VWDE: variants seen among roughly 807,000 people sequenced by gnomAD.
VWDE encodes the protein von Willebrand factor D and EGF domain-containing protein.
In VWDE, 207 loss-of-function variants were observed where a neutral mutation model predicts 178.4. The observed-to-expected ratio is 1.16, with a 90% CI of 1.04 to 1.30. The LOEUF (loss-of-function observed/expected upper bound fraction) is 1.30, where lower values mean the gene tolerates loss of function less well. VWDE is among the 50% of genes most tolerant of loss of function. The pLI is 0.00. For missense variants in VWDE, 2,287 were observed against 1,901.3 expected (o/e 1.20, Z -3.77); for synonymous variants, 738 against 651.4 (o/e 1.13, Z -2.02).
At chr7:12,376,323 T>C (rs1371822700) in intron 7 of VWDE, among the ~76,000 whole-genome samples, 1 of 151,864 alleles carries the variant, frequency 6.6e-6, no homozygotes. Context: ...CCTATGAAAG[T>C]AAAGATTTAA....
chr7:12,354,924 C>T (rs1782142931), intron 18 of VWDE, among the ~76,000 whole-genome samples: 1 of 151,778 alleles, frequency 6.6e-6, no homozygotes, highest in Non-Finnish European at 1.5e-5. Flanking sequence ...GAAAGTCAGT[C>T]CGTCCTTAAT....
chr7:12,379,389 G>C (rs1179248828), intron 6 of VWDE, 88 bp downstream of exon 6: 1 of 862,396 alleles, frequency 1.2e-6, no homozygotes, highest in Admixed American at 3.1e-5. Flanking sequence ...TCTGTGATGA[G>C]GTACAGAAAC....
chr7:12,340,447 T>TA (rs1245932675), intron 23 of VWDE, 30 bp from the exon 24 acceptor site: 1 of 1,485,352 alleles, frequency 6.7e-7, no homozygotes, highest in Non-Finnish European at 9.1e-7. Context: ...AAAGAGAACA[T>TA]AAAAGTTTTA....
At chr7:12,390,522 G>C (rs1372748692) in intron 2 of VWDE, among the ~76,000 whole-genome samples, 2 of 151,502 alleles carry the variant, frequency 1.3e-5, no homozygotes, top group African/African-American at 4.8e-5. Context: ...AAACATAAAG[G>C]AAATATTGAT....
chr7:12,388,932 G>A (rs1784235366), intron 3 of VWDE, 195 bp downstream of exon 3: 2 of 708,728 alleles, frequency 2.8e-6, no homozygotes, highest in Non-Finnish European at 5.3e-6. Flanking sequence ...ACGTGTGGGG[G>A]GACTTTACAA....
intron 19 of VWDE, among the ~76,000 whole-genome samples, chr7:12,351,337 G>A (rs1005944301): frequency 4.6e-5 from 7 of 152,180 alleles, no homozygotes; most frequent in South Asian, 4.1e-4. Context: ...AAGCTTCTCC[G>A]AAATCACTTT....
chr7:12,350,518 G>C (rs1015072342), intron 19 of VWDE, among the ~76,000 whole-genome samples: 11 of 152,048 alleles, frequency 7.2e-5, no homozygotes, highest in African/African-American at 2.7e-4. Context: ...ATGGTATCTA[G>C]CAGAAACTGC....
intron 4 of VWDE, among the ~76,000 whole-genome samples, chr7:12,381,112 T>C (rs1300345804): frequency 6.6e-6 from 1 of 152,218 alleles, no homozygotes; most frequent in African/African-American, 2.4e-5. Flanking sequence ...GCCACAAGAA[T>C]GTAAAATCAA....
intron 24 of VWDE, among the ~76,000 whole-genome samples, chr7:12,339,605 G>A (rs1333596578): frequency 6.6e-6 from 1 of 152,024 alleles, no homozygotes; most frequent in Non-Finnish European, 1.5e-5. Context: ...GCAAATCAAA[G>A]TGCATCGTGG....
chr7:12,391,627 G>T (rs974964672), intron 2 of VWDE, among the ~76,000 whole-genome samples: 1 of 152,046 alleles, frequency 6.6e-6, no homozygotes, highest in Non-Finnish European at 1.5e-5. Flanking sequence ...CTTTACAAAT[G>T]AAGTGTCACA....
chr7:12,333,294 A>T (rs1487123698), intron 28 of VWDE, among the ~76,000 whole-genome samples, 171 bp downstream of exon 28: 1 of 152,190 alleles, frequency 6.6e-6, no homozygotes, highest in Non-Finnish European at 1.5e-5. Flanking sequence ...AATTTTATAT[A>T]ATAACTCTAC....
At chr7:12,402,091 G>A (rs552884941) in intron 1 of VWDE, among the ~76,000 whole-genome samples, 36 of 152,148 alleles carry the variant, frequency 2.4e-4, no homozygotes, top group Non-Finnish European at 4.6e-4. Context: ...TCCAGAATAG[G>A]CAAATGCAAT....
intron 1 of VWDE, among the ~76,000 whole-genome samples, chr7:12,398,328 C>T (rs901748530): frequency 6.6e-6 from 1 of 152,132 alleles, no homozygotes; most frequent in Non-Finnish European, 1.5e-5. Flanking sequence ...GTTCCTTTCT[C>T]AGGAAACCAT....
In VWDE at chr7:12,373,101, T is replaced by A. The variant is rs532721350; in HGVS notation, c.1463A>T (p.Asp488Val). 2.6e-6 allele frequency: 4 copies of A among 1,551,304 alleles called. No homozygotes were observed. Reference sequence around the variant, plus strand: ...ATTGCACATATCAAAAGTAACTATATCACCTCCTTCCTGGGCAACAAACCC... The same window carrying A: ...ATTGCACATATCAAAAGTAACTATAACACCTCCTTCCTGGGCAACAAACCC... ...NCGFVAQEGG[D>V]IVTFDMCNGQ... is the part of the protein sequence containing the mutation. Residue 488 changes from aspartate (D) to valine (V), a missense_variant, in exon 10 of 29, where the codon GAT becomes GTT. Physicochemically the swap from Asp to Val is radical, Grantham distance 152. Transcript: ENST00000275358.
chr7:12,374,689 C>A lies in VWDE; in HGVS notation c.1316G>T (p.Arg439Met). ...TDPHIITFDGRVYDNFKTGTF... is the reference protein window; with the variant it reads ...TDPHIITFDGMVYDNFKTGTF... ...AAAGAAGAAACTTTCAGAAAATTAC[C>A]TGCCATCAAATGTAATTATATGTGG... Residue 439 changes from arginine to methionine, a missense_variant and splice_region_variant, in exon 9 of 29, where the codon AGG becomes ATG. By Grantham distance (91) the Arg-to-Met change is moderately conservative. Coordinates refer to ENST00000275358, the MANE Select transcript of VWDE (RefSeq NM_001135924.3). 6.6e-7 allele frequency: 1 copy of A among 1,525,820 alleles called. No individual in the cohort carries two copies. The highest frequency in any genetic ancestry group is 1.4e-5 in the African/African-American group (1 of 71,960). The allele number at this position is 1,525,820 out of a possible 1,614,324, so 94.5% of individuals were successfully genotyped here. A position where few individuals can be genotyped will look rare whatever the true frequency, so the allele number is the denominator to read the frequency against.
At chr7:12,359,845 C>T (rs1450659204) in intron 15 of VWDE, among the ~76,000 whole-genome samples, 153 bp from the exon 16 acceptor site, 1 of 151,908 alleles carries the variant, frequency 6.6e-6, no homozygotes, top group African/African-American at 2.4e-5. Flanking sequence ...TATGAGGAAA[C>T]AAATTACCTG....
At chr7:12,348,869 A>G (rs1781762774) in intron 19 of VWDE, among the ~76,000 whole-genome samples, 1 of 151,774 alleles carries the variant, frequency 6.6e-6, no homozygotes, top group South Asian at 2.1e-4. Context: ...AATGTGGCAC[A>G]TATACACCAT....
At chr7:12,338,530 T>C (rs1781157105) in intron 24 of VWDE, among the ~76,000 whole-genome samples, 1 of 152,096 alleles carries the variant, frequency 6.6e-6, no homozygotes, top group Non-Finnish European at 1.5e-5. Context: ...CACAAAAACT[T>C]GAAGTGTAGA....
intron 1 of VWDE, among the ~76,000 whole-genome samples, chr7:12,402,276 T>C (rs911627509): frequency 6.6e-6 from 1 of 152,198 alleles, no homozygotes; most frequent in Admixed American, 6.5e-5. Flanking sequence ...TATACACATA[T>C]CTGTGAAAAT....
Sources: gnomAD v4.1 joint callset for allele counts (sites outside exome capture counted in the v4.1 genomes callset) on GRCh38, gnomAD v4.1.1 for gene constraint, MANE v1.5 for transcripts, NCBI Gene and HGNC (gene_info 2026-07-23, HGNC 2026-07-21) for gene names.